The following TRMT44 variants were observed in gnomAD, a reference collection of about 807,000 sequenced individuals.
TRMT44 encodes the protein tRNA methyltransferase 44 homolog.
A neutral mutation model predicts 77.3 loss-of-function variants in TRMT44; 78 were observed. That is an observed-to-expected ratio of 1.01 (90% CI 0.84 to 1.22). The LOEUF (loss-of-function observed/expected upper bound fraction) is 1.22, where lower values mean the gene tolerates loss of function less well. Ranked by LOEUF, TRMT44 falls within the 50% of genes most tolerant of loss-of-function variation. The pLI is 0.00. For synonymous variants in TRMT44, 391 were observed against 383.3 expected, an observed-to-expected ratio of 1.02 and a Z score of -0.23; for missense variants, 1,090 against 964.4, an observed-to-expected ratio of 1.13 and a Z score of -1.73.
chr4:8,501,379 G>A, the TRMT44 span, among the ~76,000 whole-genome samples: 6 of 152,256 alleles, frequency 3.9e-5, no homozygotes, highest in Non-Finnish European at 7.4e-5. The surrounding 1 kb of genome is among the most constrained non-coding windows in gnomAD (Gnocchi z 4.4). Context: ...TGAGCTCTGG[G>A]ACCGGATGTC....
Position 8,492,438 on chromosome 4 carries a change from G to A in TRMT44, n.3892-828G>A, listed in dbSNP as rs556053103. Among the ~76,000 whole-genome samples, 7 of 152,214 alleles carry A rather than the reference G, an allele frequency of 4.6e-5. No individual in the cohort carries two copies. In the South Asian group the frequency reaches 1.0e-3, roughly 23 times the overall value. ...CCGTGAAAGGACAACTAACCTAACC[G>A]ACTCCATCTTGCTTCTAATCTCCAA... On this transcript the variant is annotated intron_variant and non_coding_transcript_variant, in intron 2 of 2. Coordinates refer to the TRMT44 transcript ENST00000511366.
intron 2 of TRMT44, among the ~76,000 whole-genome samples, chr4:8,491,872 G>A (rs1223912546): frequency 6.6e-6 from 1 of 152,242 alleles, no homozygotes; most frequent in Non-Finnish European, 1.5e-5. Flanking sequence ...GCAGCGGTGG[G>A]CTGAAGGGCT....
intron 10 of TRMT44, among the ~76,000 whole-genome samples, chr4:8,471,850 A>AG (rs1052647620): frequency 2.6e-5 from 4 of 152,046 alleles, no homozygotes; most frequent in Non-Finnish European, 2.9e-5. Flanking sequence ...GCAGTGAGGG[A>AG]GGGGGGAGAT....
At chr4:8,494,604 A>G (rs767778413), downstream of TRMT44, among the ~76,000 whole-genome samples, 8 of 152,144 alleles carry the variant, frequency 5.3e-5, no homozygotes, top group Non-Finnish European at 1.2e-4. Context: ...CATCTTACAT[A>G]TGTTGATTGA....
chr4:8,512,571 G>A, the TRMT44 span: 26 of 152,326 alleles, frequency 1.7e-4, no homozygotes, highest in Admixed American at 9.8e-4. Context: ...ACATAAAATC[G>A]TCGAAACTTC....
intron 9 of TRMT44, among the ~76,000 whole-genome samples, chr4:8,469,354 C>T (rs1726826569): frequency 6.6e-6 from 1 of 152,170 alleles, no homozygotes; most frequent in Non-Finnish European, 1.5e-5. Context: ...ACTAAAGGCA[C>T]CCTGCTGTGG....
In TRMT44 at chr4:8,465,608, A is replaced by G. The variant is rs752262491; in HGVS notation, c.1494+47A>G. 2.6e-6 allele frequency: 4 copies of G among 1,535,330 alleles called. No individual in the cohort carries two copies. The African/African-American group carries it at 5.5e-5, about 21-fold the overall frequency. ...TTCTAGGCGGTGTGTCGGTGTTCAG[A>G]TGGAGAGCTCAGGGCTCTGCCACAG... On this transcript the variant is annotated intron_variant, in intron 8 of 10. Coordinates refer to ENST00000389737, the MANE Select transcript of TRMT44 (RefSeq NM_152544.3).
In TRMT44 at chr4:8,449,823, A is replaced by AT; in HGVS notation, c.890dup (p.Ser298LeufsTer6). The AT allele has an allele frequency of 6.5e-7, 1 of 1,535,982 alleles. No individual in the cohort carries two copies. Among genetic ancestry groups the AT allele is most frequent in the South Asian group, 1.2e-5 (1 of 84,064 alleles). On this transcript the variant is annotated frameshift_variant, in exon 3 of 11. Coordinates refer to ENST00000389737, the MANE Select transcript of TRMT44 (RefSeq NM_152544.3). LOFTEE classifies it high-confidence loss of function. ...TGACTTTAAAAGCACCCTTTCCCTC[A>AT]TCTCCATTATGAAGTATAGCAAGGC... is the stretch of plus-strand genomic sequence containing the variant.
chr4:8,449,944 C>CTTTTTTTTT, intron 3 of TRMT44, 56 bp downstream of exon 3: 1 of 376,690 alleles, frequency 2.7e-6, no homozygotes, highest in Non-Finnish European at 3.8e-6. Context: ...CTTTTCTTTT[C>CTTTTTTTTT]TTTTCTTTTT....
At chr4:8,482,737 A>G (rs529761597) in intron 2 of TRMT44, among the ~76,000 whole-genome samples, 36 of 152,092 alleles carry the variant, frequency 2.4e-4, no homozygotes, top group African/African-American at 8.5e-4. Flanking sequence ...AAGGTGGGGC[A>G]GGGCATTTTC....
At chr4:8,465,606 A>C (rs1726487901) in intron 8 of TRMT44, 45 bp downstream of exon 8, 1 of 1,542,174 alleles carries the variant, frequency 6.5e-7, no homozygotes, top group Admixed American at 1.8e-5. Context: ...GTCGGTGTTC[A>C]GATGGAGAGC....
chr4:8,484,082 G>T (rs532064373), intron 2 of TRMT44, among the ~76,000 whole-genome samples: 3 of 152,158 alleles, frequency 2.0e-5, no homozygotes, highest in Non-Finnish European at 4.4e-5. Flanking sequence ...TCTAAGAGGC[G>T]GGCTAGTGGC....
At chr4:8,485,569 T>G (rs1482673997) in intron 2 of TRMT44, among the ~76,000 whole-genome samples, 4 of 152,054 alleles carry the variant, frequency 2.6e-5, no homozygotes, top group Non-Finnish European at 5.9e-5. Flanking sequence ...GGGATGGTAA[T>G]GGGCATGTGA....
At chr4:8,498,139 G>T (rs968749091), downstream of TRMT44, among the ~76,000 whole-genome samples, 3 of 152,136 alleles carry the variant, frequency 2.0e-5, no homozygotes, top group African/African-American at 7.2e-5. This position sits in a 1 kb window ranked among gnomAD's most constrained non-coding sequence, Gnocchi z 4.3. Flanking sequence ...CTTCTCCGGG[G>T]TTTTCTCCTC....
intron 2 of TRMT44, among the ~76,000 whole-genome samples, chr4:8,491,431 TC>T (rs1196948509): frequency 1.3e-5 from 2 of 152,134 alleles, no homozygotes; most frequent in African/African-American, 2.4e-5. Context: ...CCTTGGGTGG[TC>T]GATGGGACTG....
At chr4:8,453,083 G>A in intron 5 of TRMT44, 94 bp downstream of exon 5, 1 of 697,814 alleles carries the variant, frequency 1.4e-6, no homozygotes, top group Non-Finnish European at 2.2e-6. Flanking sequence ...TGCTGATACA[G>A]CCTGGATTTG....
At position 8,461,176 on chromosome 4, in the gene TRMT44, A is replaced by T. The variant is rs1726129164; in HGVS notation, c.1204-2809A>T. On this transcript the variant is annotated intron_variant, in intron 6 of 10. Coordinates refer to ENST00000389737, the MANE Select transcript of TRMT44 (RefSeq NM_152544.3). This position sits in a 1 kb window ranked among gnomAD's most constrained non-coding sequence, Gnocchi z 4.6. ...GTGCTTACTCTTTGCTTGTACATTTACTCTTTGCTTTGTTTTACAGTGATT... is the reference window on the plus strand; with the variant it reads ...GTGCTTACTCTTTGCTTGTACATTTTCTCTTTGCTTTGTTTTACAGTGATT... Among the ~76,000 whole-genome samples, 2 of 151,476 alleles carry T rather than the reference A, an allele frequency of 1.3e-5. No homozygotes were observed. Among genetic ancestry groups the T allele is most frequent in the Non-Finnish European group, 2.9e-5 (2 of 67,912 alleles).
intron 5 of TRMT44, 48 bp downstream of exon 5, chr4:8,453,037 C>G: frequency 8.2e-7 from 1 of 1,221,984 alleles, no homozygotes; most frequent in Non-Finnish European, 1.1e-6. Flanking sequence ...CCAGAGTTTC[C>G]TCAAGTCAGG....
Position 8,474,365 on chromosome 4 carries a change from A to G in TRMT44, c.2045-1407A>G, listed in dbSNP as rs368622983. ...TGTCGCGGGACTGCCTTAACAGGAG[A>G]CTTCAGGTTAAGAAACCTCAGCTCC... On this transcript the variant is annotated intron_variant, in intron 10 of 10. Transcript: ENST00000389737. Among the ~76,000 whole-genome samples, 16 of 152,074 alleles carry G rather than the reference A, an allele frequency of 1.1e-4. No individual in the cohort carries two copies. In the East Asian group the frequency reaches 2.9e-3, roughly 28 times the overall value.
Sources: allele counts gnomAD v4.1 joint callset (sites outside exome capture counted in the v4.1 genomes callset), GRCh38; gene constraint gnomAD v4.1.1; non-coding constraint Gnocchi (gnomAD v3.1); transcripts MANE v1.5; gene names NCBI Gene and HGNC (gene_info 2026-07-23, HGNC 2026-07-21).